The following WWOX variants were observed in gnomAD, a reference collection of about 807,000 sequenced individuals.
The protein encoded by WWOX is WW domain containing oxidoreductase, also known as WW domain-containing oxidoreductase.
A neutral mutation model predicts 46.2 loss-of-function variants in WWOX; 69 were observed. That is an observed-to-expected ratio of 1.49 (90% CI 1.23 to 1.82). WWOX has a LOEUF of 1.82. Ranked by LOEUF, WWOX falls within the 40% of genes most tolerant of loss-of-function variation. WWOX has a pLI of 0.00. For synonymous variants in WWOX, 359 were observed against 202.6 expected, an observed-to-expected ratio of 1.77 and a Z score of -6.56; for missense variants, 919 against 542.6, an observed-to-expected ratio of 1.69 and a Z score of -6.89.
intron 8 of WWOX, among the ~76,000 whole-genome samples, chr16:78,980,468 C>A (rs190003185): frequency 8.4e-4 from 128 of 152,356 alleles, no homozygotes; most frequent in Admixed American, 3.2e-3. Flanking sequence ...TCAATTTTCA[C>A]AATTAATTGT....
At chr16:78,198,955 C>G (rs768157711) in intron 5 of WWOX, among the ~76,000 whole-genome samples, 15 of 152,044 alleles carry the variant, frequency 9.9e-5, no homozygotes, top group Non-Finnish European at 7.4e-5. Context: ...ATCCCTCTAC[C>G]TCTTCTTTTC....
intron 8 of WWOX, among the ~76,000 whole-genome samples, chr16:79,003,424 T>C (rs1303609822): frequency 1.3e-5 from 2 of 152,184 alleles, no homozygotes; most frequent in African/African-American, 2.4e-5. Context: ...CGCTTATCTA[T>C]TGCTGAGTAA....
intron 8 of WWOX, among the ~76,000 whole-genome samples, chr16:79,019,435 G>A (rs1204765204): frequency 1.3e-5 from 2 of 152,096 alleles, no homozygotes; most frequent in Non-Finnish European, 2.9e-5. Flanking sequence ...ACAGTGGTAT[G>A]TGTATATCTC....
At chr16:78,904,765 C>A (rs903813116) in intron 8 of WWOX, among the ~76,000 whole-genome samples, 5 of 152,200 alleles carry the variant, frequency 3.3e-5, no homozygotes, top group African/African-American at 7.2e-5. Flanking sequence ...TTAGTACTTT[C>A]TAAAATTCTC....
intron 5 of WWOX, among the ~76,000 whole-genome samples, chr16:78,172,227 C>T (rs192828355): frequency 2.6e-5 from 4 of 152,320 alleles, no homozygotes; most frequent in African/African-American, 7.2e-5. Context: ...ACATCCGCTG[C>T]GCTTCTTGTA....
chr16:78,744,663 C>T (rs2049306908), intron 8 of WWOX, among the ~76,000 whole-genome samples: 1 of 151,960 alleles, frequency 6.6e-6, no homozygotes, highest in Admixed American at 6.6e-5. Flanking sequence ...AATTCTTGAC[C>T]TTAAGTGATC....
intron 8 of WWOX, among the ~76,000 whole-genome samples, chr16:79,194,695 A>G (rs1197218440): frequency 6.6e-6 from 1 of 152,124 alleles, no homozygotes; most frequent in Non-Finnish European, 1.5e-5. Context: ...CGCTCTGCTG[A>G]GTCAGGAGGT....
chr16:78,161,317 A>G (rs1207641524), intron 4 of WWOX, among the ~76,000 whole-genome samples: 1 of 152,104 alleles, frequency 6.6e-6, no homozygotes, highest in African/African-American at 2.4e-5. Context: ...GGGTTTAAAT[A>G]TACCACCTTA....
At chr16:78,730,982 C>G (rs898923003) in intron 8 of WWOX, among the ~76,000 whole-genome samples, 2 of 152,132 alleles carry the variant, frequency 1.3e-5, no homozygotes, top group Non-Finnish European at 2.9e-5. Context: ...ACTCAACTTA[C>G]AGTATCAAAT....
intron 8 of WWOX, among the ~76,000 whole-genome samples, chr16:79,172,788 G>T (rs1302381651): frequency 6.6e-6 from 1 of 152,056 alleles, no homozygotes; most frequent in East Asian, 1.9e-4. Flanking sequence ...CACTCTGGGA[G>T]GCCAAGATGA....
intron 8 of WWOX, among the ~76,000 whole-genome samples, chr16:79,157,567 T>G (rs1269027953): frequency 2.0e-5 from 3 of 152,182 alleles, no homozygotes; most frequent in African/African-American, 7.2e-5. Context: ...GTAGTTTTTA[T>G]TATTTGGTGC....
At position 78,122,916 on chromosome 16, in the gene WWOX, A is replaced by G. The variant is rs991184350; in HGVS notation, c.409+7762A>G. On this transcript the variant is annotated intron_variant, in intron 4 of 8. Transcript: ENST00000566780. The stretch of plus-strand genomic sequence containing the variant: ...CACCATGCCCGGGGGTGTTGTACAT[A>G]TTTCCTTTAATCTAAAAGCAGAACC... Among the ~76,000 whole-genome samples, 10 of 151,966 alleles carry G rather than the reference A, an allele frequency of 6.6e-5. 1 individual carries two copies. Among genetic ancestry groups the G allele is most frequent in the African/African-American group, 2.4e-4 (10 of 41,366 alleles).
chr16:78,231,827 C>T (rs1231787655), intron 5 of WWOX, among the ~76,000 whole-genome samples: 1 of 152,128 alleles, frequency 6.6e-6, no homozygotes, highest in African/African-American at 2.4e-5. Flanking sequence ...CTTCCCATTG[C>T]ACTTCTCTTC....
chr16:78,116,174 T>C (rs2032778985), intron 4 of WWOX, among the ~76,000 whole-genome samples: 1 of 152,200 alleles, frequency 6.6e-6, no homozygotes, highest in Admixed American at 6.5e-5. Flanking sequence ...CTTTTAGATA[T>C]TTTACAATGT....
At chr16:79,189,414 C>G (rs1233468669) in intron 8 of WWOX, among the ~76,000 whole-genome samples, 1 of 148,122 alleles carries the variant, frequency 6.8e-6, no homozygotes, top group Non-Finnish European at 1.5e-5. Flanking sequence ...TGCACCACCA[C>G]TCCCAGCTTT....
rs74949336 is a variant in WWOX at position 78,591,673 on chromosome 16, C to G, written c.1056+158921C>G. 6.6e-5 allele frequency among the ~76,000 whole-genome samples: 10 copies of G among 152,306 alleles called. No homozygotes were observed. The East Asian group carries it at 1.9e-3, about 29-fold the overall frequency. ...AGCTCTAAAATGAGCATAACCATAT[C>G]AGTTTGTGTTTCCTGTTACAGGGAG... On this transcript the variant is annotated intron_variant, in intron 8 of 8. Coordinates refer to ENST00000566780, the MANE Select transcript of WWOX (RefSeq NM_016373.4).
intron 8 of WWOX, among the ~76,000 whole-genome samples, chr16:78,977,103 C>T (rs112198087): frequency 2.1e-4 from 32 of 152,290 alleles, no homozygotes; most frequent in African/African-American, 7.7e-4. Flanking sequence ...AGGCAATTTC[C>T]TACAAGCTCT....
chr16:78,383,116 C>G (rs2081990224), intron 5 of WWOX, among the ~76,000 whole-genome samples: 1 of 150,830 alleles, frequency 6.6e-6, no homozygotes, highest in South Asian at 2.1e-4. Context: ...TTTAACCAGC[C>G]CCATGATCCA....
At position 78,905,378 on chromosome 16, in the gene WWOX, ATTCTTATTTAT is replaced by A. The variant is rs533222043; in HGVS notation, c.1057-306227_1057-306217del. Among the ~76,000 whole-genome samples, 17 of 152,280 alleles carry A rather than the reference ATTCTTATTTAT, an allele frequency of 1.1e-4. No individual in the cohort carries two copies. The East Asian group carries it at 3.3e-3, about 29-fold the overall frequency. On this transcript the variant is annotated intron_variant, in intron 8 of 8. Coordinates refer to ENST00000566780, the MANE Select transcript of WWOX (RefSeq NM_016373.4). ...TGACTGTTGATGGACGCTTGGAAGA[ATTCTTATTTAT>A]TTATTTTTTTGGACAGGCTTTCACT...
Sources: gnomAD v4.1 joint callset for allele counts (sites outside exome capture counted in the v4.1 genomes callset) on GRCh38, gnomAD v4.1.1 for gene constraint, MANE v1.5 for transcripts, NCBI Gene and HGNC (gene_info 2026-07-23, HGNC 2026-07-21) for gene names.